Variants in ERI3 observed in about 807,000 individuals in gnomAD.
ERI3 encodes ERI1 exoribonuclease family member 3, also known as ERI1 exoribonuclease 3.
A neutral mutation model predicts 44.4 loss-of-function variants in ERI3; 18 were observed. The ratio of observed to expected loss-of-function variants is 0.41; its 90% CI spans 0.28 to 0.60. The LOEUF (loss-of-function observed/expected upper bound fraction) is 0.60, where lower values mean the gene tolerates loss of function less well. Ranked by LOEUF, ERI3 falls within the 20% of genes least tolerant of loss-of-function variation. The probability of loss-of-function intolerance (pLI) is 0.36; values close to 1 mark genes in which losing one functional copy is unlikely to be tolerated. For synonymous variants in ERI3, 183 were observed against 164.8 expected, an observed-to-expected ratio of 1.11 and a Z score of -0.84; for missense variants, 294 against 435.5, an observed-to-expected ratio of 0.68 and a Z score of 2.89.
chr1:44,328,583 T>A (rs1646363881), intron 3 of ERI3, among the ~76,000 whole-genome samples: 1 of 152,142 alleles, frequency 6.6e-6, no homozygotes, highest in Admixed American at 6.5e-5. Flanking sequence ...CAGGTTCTAT[T>A]TCAGTATATT....
Position 44,320,445 on chromosome 1 carries a change from G to A in ERI3, c.490-701C>T, listed in dbSNP as rs553825395. Among the ~76,000 whole-genome samples the A allele has an allele frequency of 9.2e-5, 14 of 152,226 alleles. No homozygotes were observed. In the South Asian group the frequency reaches 1.9e-3, roughly 20 times the overall value. ...GTGTCTCTAAGATTAATTTGTCTCC[G>A]CTATTTAATAGAGATGCACAGCACC... On this transcript the variant is annotated intron_variant, in intron 3 of 8. Coordinates refer to ENST00000372257, the MANE Select transcript of ERI3 (RefSeq NM_024066.3).
At chr1:44,222,577 G>C (rs1017083470) in intron 8 of ERI3, among the ~76,000 whole-genome samples, 7 of 152,182 alleles carry the variant, frequency 4.6e-5, no homozygotes, top group African/African-American at 1.7e-4. Flanking sequence ...ACATGGGCCA[G>C]GATTTGTTTC....
chr1:44,340,895 T>C (rs1646639522), intron 2 of ERI3, among the ~76,000 whole-genome samples: 1 of 152,216 alleles, frequency 6.6e-6, no homozygotes, highest in South Asian at 2.1e-4. Flanking sequence ...CCAATATCCC[T>C]TTGAAAGCCA....
chr1:44,325,326 C>T (rs2154329749), intron 3 of ERI3, among the ~76,000 whole-genome samples: 1 of 152,216 alleles, frequency 6.6e-6, no homozygotes, highest in South Asian at 2.1e-4. Context: ...CCGCACGCCT[C>T]GGTCTCCCAA....
chr1:44,282,502 T>C (rs1054840400), intron 7 of ERI3, among the ~76,000 whole-genome samples: 1 of 152,192 alleles, frequency 6.6e-6, no homozygotes, highest in African/African-American at 2.4e-5. Context: ...CTCTCTGGCT[T>C]TGCTTTTATC....
chr1:44,351,480 T>G (rs1646888714), intron 2 of ERI3, among the ~76,000 whole-genome samples: 1 of 152,170 alleles, frequency 6.6e-6, no homozygotes, highest in Non-Finnish European at 1.5e-5. Flanking sequence ...ATAAATAAAG[T>G]TTTACAGGAA....
intron 8 of ERI3, among the ~76,000 whole-genome samples, chr1:44,232,017 G>A (rs1644196313): frequency 6.6e-6 from 1 of 152,204 alleles, no homozygotes; most frequent in South Asian, 2.1e-4. Flanking sequence ...AAGAAAAATG[G>A]AAACATATCT....
intron 3 of ERI3, among the ~76,000 whole-genome samples, chr1:44,326,463 T>G (rs1646314642): frequency 6.6e-6 from 1 of 152,204 alleles, no homozygotes; most frequent in Non-Finnish European, 1.5e-5. Context: ...AAACAAACAC[T>G]CGTGGTTTTG....
chr1:44,336,669 T>C (rs1330507781), intron 3 of ERI3, among the ~76,000 whole-genome samples: 1 of 152,258 alleles, frequency 6.6e-6, no homozygotes, highest in African/African-American at 2.4e-5. Flanking sequence ...GTCAAGTATC[T>C]TCTCTGGAAT....
At chr1:44,315,003 T>A (rs997578830) in intron 4 of ERI3, among the ~76,000 whole-genome samples, 4 of 152,186 alleles carry the variant, frequency 2.6e-5, no homozygotes, top group Admixed American at 6.5e-5. Context: ...CCCAGATTAG[T>A]GACAGACACC....
At chr1:44,332,234 CT>C (rs1307305032) in intron 3 of ERI3, among the ~76,000 whole-genome samples, 1 of 152,142 alleles carries the variant, frequency 6.6e-6, no homozygotes, top group African/African-American at 2.4e-5. Flanking sequence ...CCTGATTTCA[CT>C]CACCATTTAT....
chr1:44,326,380 G>A (rs1467192081), intron 3 of ERI3, among the ~76,000 whole-genome samples: 1 of 152,166 alleles, frequency 6.6e-6, no homozygotes, highest in African/African-American at 2.4e-5. Flanking sequence ...CTGGGCAATG[G>A]GGTATGGTTT....
chr1:44,295,468 G>C (rs538939367), intron 6 of ERI3, among the ~76,000 whole-genome samples: 2 of 152,266 alleles, frequency 1.3e-5, no homozygotes, highest in African/African-American at 4.8e-5. Context: ...ATAGTCCCCA[G>C]CACAGTACTT....
intron 2 of ERI3, among the ~76,000 whole-genome samples, chr1:44,341,772 C>T (rs1032622016): frequency 1.3e-5 from 2 of 152,110 alleles, no homozygotes; most frequent in Non-Finnish European, 2.9e-5. Flanking sequence ...TGCCTGTAGT[C>T]CCAGCTACTT....
At position 44,241,805 on chromosome 1, in the gene ERI3, CACATACATACAT is replaced by C. The variant is rs59509064; in HGVS notation, c.931+6122_931+6133del. The C allele has an allele frequency of 1.1e-3, 191 of 175,432 alleles. No homozygotes were observed. The highest frequency in any genetic ancestry group is 7.2e-3 in the East Asian group (36 of 4,984). 10.9% of individuals were successfully genotyped at this position (175,432 alleles called of 1,614,324 possible). ...TTCCTAAAGAATCAAACACACATAA[CACATACATACAT>C]ACATACATACATACATACATACATA... On this transcript the variant is annotated intron_variant, in intron 8 of 8. Transcript: ENST00000372257. The surrounding 1 kb of genome is among the most constrained non-coding windows in gnomAD (Gnocchi z 5.6).
chr1:44,302,360 A>C (rs1205529838), intron 6 of ERI3, among the ~76,000 whole-genome samples: 1 of 152,232 alleles, frequency 6.6e-6, no homozygotes, highest in Non-Finnish European at 1.5e-5. Flanking sequence ...ACAAGTCAGG[A>C]CTGGCAGGGA....
At chr1:44,250,768 T>C (rs1048653352) in intron 7 of ERI3, among the ~76,000 whole-genome samples, 1 of 152,192 alleles carries the variant, frequency 6.6e-6, no homozygotes, top group Non-Finnish European at 1.5e-5. Flanking sequence ...CGCATGCACA[T>C]GGGTCTGCCA....
At chr1:44,320,820 A>C (rs1169947527) in intron 3 of ERI3, among the ~76,000 whole-genome samples, 1 of 152,178 alleles carries the variant, frequency 6.6e-6, no homozygotes, top group Non-Finnish European at 1.5e-5. Context: ...GAAATAATAA[A>C]AAAAATAAAT....
intron 2 of ERI3, among the ~76,000 whole-genome samples, chr1:44,342,630 A>G (rs1320310244): frequency 6.7e-6 from 1 of 148,834 alleles, no homozygotes; most frequent in African/African-American, 2.5e-5. Context: ...CAATGAGCAC[A>G]CCTAGCACTC....
Sources: gnomAD v4.1 joint callset for allele counts (sites outside exome capture counted in the v4.1 genomes callset) on GRCh38, gnomAD v4.1.1 for gene constraint, Gnocchi (gnomAD v3.1) non-coding constraint, MANE v1.5 for transcripts, NCBI Gene and HGNC (gene_info 2026-07-23, HGNC 2026-07-21) for gene names.